RFX3: variants seen among roughly 807,000 people sequenced by gnomAD.
RFX3 encodes transcription factor RFX3.
RFX3 carries 14 observed loss-of-function variants against 98.6 expected under a neutral mutation model. That is an observed-to-expected ratio of 0.14 (90% CI 0.09 to 0.22). The LOEUF (loss-of-function observed/expected upper bound fraction) is 0.22. RFX3 is among the 10% of genes least tolerant of loss of function. The pLI is 1.00. For synonymous variants in RFX3, 383 were observed against 328.4 expected (o/e 1.17, Z -1.80); for missense variants, 639 against 926.9 (o/e 0.69, Z 4.03).
At chr9:3,254,180 T>A (rs563517588) in intron 14 of RFX3, among the ~76,000 whole-genome samples, 20 of 152,030 alleles carry the variant, frequency 1.3e-4, no homozygotes, top group African/African-American at 4.6e-4. Context: ...TACAAGTAAG[T>A]AATTTTCTCT....
At chr9:3,352,132 A>T (rs72699073) in intron 2 of RFX3, among the ~76,000 whole-genome samples, 1 of 152,062 alleles carries the variant, frequency 6.6e-6, no homozygotes, top group Non-Finnish European at 1.5e-5. Flanking sequence ...TTGCCAATAC[A>T]TATTACTAAG....
At chr9:3,379,663 T>C (rs945038321) in intron 2 of RFX3, among the ~76,000 whole-genome samples, 2 of 152,096 alleles carry the variant, frequency 1.3e-5, no homozygotes, top group African/African-American at 4.8e-5. Flanking sequence ...AATAAGCACA[T>C]ACACCTGCAC....
intron 14 of RFX3, 110 bp from the exon 15 acceptor site, chr9:3,248,295 A>G: frequency 7.4e-7 from 1 of 1,360,476 alleles, no homozygotes; most frequent in South Asian, 1.5e-5. Context: ...TATGGTTGGT[A>G]TAGTATAAAA....
chr9:3,300,503 A>C (rs1201183446), intron 5 of RFX3, among the ~76,000 whole-genome samples: 1 of 151,846 alleles, frequency 6.6e-6, no homozygotes, highest in African/African-American at 2.4e-5. Context: ...CTTAAAAAAA[A>C]CACAGTTAAA....
At chr9:3,383,403 A>G (rs1295537782) in intron 2 of RFX3, among the ~76,000 whole-genome samples, 3 of 152,150 alleles carry the variant, frequency 2.0e-5, no homozygotes, top group Non-Finnish European at 4.4e-5. Flanking sequence ...GTTCTTTACC[A>G]TGGGGTTGCC....
intron 1 of RFX3, among the ~76,000 whole-genome samples, chr9:3,489,844 T>A (rs1850595541): frequency 6.6e-6 from 1 of 152,128 alleles, no homozygotes; most frequent in East Asian, 1.9e-4. Flanking sequence ...GGAGTTCCAG[T>A]GCTCTTTCTT....
intron 1 of RFX3, chr9:3,524,479 C>T (rs1422533908): frequency 3.1e-6 from 3 of 968,868 alleles, no homozygotes; most frequent in Non-Finnish European, 3.7e-6. Flanking sequence ...AATATACACA[C>T]GTTTCAAGTT....
chr9:3,429,864 T>G (rs754781353), intron 1 of RFX3, among the ~76,000 whole-genome samples: 4 of 152,192 alleles, frequency 2.6e-5, no homozygotes, highest in Non-Finnish European at 4.4e-5. Context: ...CTCAATCTCT[T>G]TGAAGCAGCC....
chr9:3,322,899 C>T (rs1831472062), intron 4 of RFX3, among the ~76,000 whole-genome samples: 1 of 152,184 alleles, frequency 6.6e-6, no homozygotes. Context: ...TGCCTAACTG[C>T]ATCTTTCCTG....
chr9:3,342,366 C>T (rs2986675), intron 3 of RFX3, among the ~76,000 whole-genome samples: 16,605 of 152,086 alleles, frequency 0.11, 2,742 homozygotes, highest in African/African-American at 0.36. Flanking sequence ...GACTAATGTA[C>T]AATGGATCAT....
intron 15 of RFX3, among the ~76,000 whole-genome samples, chr9:3,229,439 G>C (rs1447219720): frequency 2.0e-5 from 3 of 152,154 alleles, no homozygotes; most frequent in Admixed American, 2.0e-4. Flanking sequence ...TCAGATAATA[G>C]GGTCTCACTT....
chr9:3,348,605 G>A (rs1470370881), intron 2 of RFX3, among the ~76,000 whole-genome samples: 4 of 151,794 alleles, frequency 2.6e-5, no homozygotes, highest in Non-Finnish European at 5.9e-5. Context: ...AAGTTTTTAT[G>A]GGAAAAATAG....
chr9:3,264,018 G>A (rs1176494611), intron 12 of RFX3, among the ~76,000 whole-genome samples: 6 of 152,054 alleles, frequency 3.9e-5, no homozygotes, highest in African/African-American at 1.4e-4. Context: ...TCCTAGGGAT[G>A]GTTAGAATTC....
At chr9:3,489,289 C>G (rs1850537289) in intron 1 of RFX3, 1 of 208,050 alleles carries the variant, frequency 4.8e-6, no homozygotes, top group Non-Finnish European at 8.4e-6. Context: ...TGACAGCTTA[C>G]AAGTACTCAC....
chr9:3,270,130 A>AGAAAGAAAGAAAGAAAGAAAGAAAG (rs1563833724), intron 11 of RFX3, among the ~76,000 whole-genome samples: 56 of 107,232 alleles, frequency 5.2e-4, no homozygotes, highest in Non-Finnish European at 1.1e-3. Flanking sequence ...AAGAAAGGAA[A>AGAAAGAAAGAAAGAAAGAAAGAAAG]GAAAGAAAGA....
intron 3 of RFX3, among the ~76,000 whole-genome samples, chr9:3,340,542 C>T (rs1395728957): frequency 1.3e-5 from 2 of 151,930 alleles, no homozygotes; most frequent in African/African-American, 4.8e-5. Context: ...GCAATGAACT[C>T]AAACAAATTT....
chr9:3,313,099 C>A (rs1830156473), intron 4 of RFX3, among the ~76,000 whole-genome samples: 1 of 152,196 alleles, frequency 6.6e-6, no homozygotes, highest in Non-Finnish European at 1.5e-5. Flanking sequence ...AGTAGCGTAA[C>A]TGAGAGACAC....
At chr9:3,481,487 A>T (rs7027858) in intron 1 of RFX3, among the ~76,000 whole-genome samples, 27,177 of 149,446 alleles carry the variant, frequency 0.18, 4,177 homozygotes, top group East Asian at 0.58. Context: ...TACATTTTTT[A>T]AAAAAAAAAA....
At chr9:3,331,995 C>T (rs1043592439) in intron 3 of RFX3, among the ~76,000 whole-genome samples, 6 of 152,078 alleles carry the variant, frequency 3.9e-5, no homozygotes, top group Non-Finnish European at 2.9e-5. Flanking sequence ...TCCACACTTC[C>T]GCTTCTCAGT....
Sources: allele counts gnomAD v4.1 joint callset (sites outside exome capture counted in the v4.1 genomes callset), GRCh38; gene constraint gnomAD v4.1.1; transcripts MANE v1.5; gene names NCBI Gene and HGNC (gene_info 2026-07-23, HGNC 2026-07-21).